CAMK1D: variants seen among roughly 807,000 people sequenced by gnomAD.
CAMK1D encodes calcium/calmodulin-dependent protein kinase type 1D.
A neutral mutation model predicts 47.7 loss-of-function variants in CAMK1D; 9 were observed. The observed-to-expected ratio is 0.19, with a 90% confidence interval of 0.11 to 0.33. The LOEUF (loss-of-function observed/expected upper bound fraction) is 0.33. Among genes scored for constraint, CAMK1D ranks in the 10% least tolerant of loss-of-function variants. The probability of loss-of-function intolerance (pLI) is 1.00; values close to 1 mark genes in which losing one functional copy is unlikely to be tolerated. For synonymous variants in CAMK1D, 184 were observed against 184.9 expected (o/e 0.99, Z 0.04); for missense variants, 291 against 488.7 (o/e 0.60, Z 3.81).
chr10:12,737,586 C>T (rs1835243750), intron 3 of CAMK1D, among the ~76,000 whole-genome samples: 1 of 152,146 alleles, frequency 6.6e-6, no homozygotes. Context: ...TCCTTGGCCT[C>T]GCCTCTTACT....
chr10:12,357,883 T>C (rs908903538), intron 1 of CAMK1D, among the ~76,000 whole-genome samples: 3 of 141,596 alleles, frequency 2.1e-5, no homozygotes, highest in African/African-American at 7.5e-5. Context: ...TTTTCTTTTC[T>C]TTTTTTTTGG....
chr10:12,632,339 C>T (rs566688879), intron 2 of CAMK1D, among the ~76,000 whole-genome samples: 7 of 152,232 alleles, frequency 4.6e-5, no homozygotes, highest in East Asian at 3.9e-4. Flanking sequence ...AGGAATGTCA[C>T]GGCCCTGAAA....
At chr10:12,828,564 C>G (rs147357776) in intron 10 of CAMK1D, among the ~76,000 whole-genome samples, 1,739 of 152,082 alleles carry the variant, frequency 0.011, 39 homozygotes, top group African/African-American at 0.04. Flanking sequence ...TCGCTTGAAC[C>G]TGGCAGGCAG....
chr10:12,533,245 C>T (rs1451379546), intron 1 of CAMK1D, among the ~76,000 whole-genome samples: 3 of 152,114 alleles, frequency 2.0e-5, no homozygotes, highest in African/African-American at 7.2e-5. Flanking sequence ...TAAAAGACTG[C>T]CCTTTCTGAC....
At chr10:12,628,945 C>T (rs1320331732) in intron 2 of CAMK1D, among the ~76,000 whole-genome samples, 1 of 152,154 alleles carries the variant, frequency 6.6e-6, no homozygotes, top group African/African-American at 2.4e-5. Context: ...GGCTTGATAG[C>T]TTATTTCTTT....
chr10:12,659,054 C>T (rs1396737148), intron 2 of CAMK1D, among the ~76,000 whole-genome samples: 3 of 152,192 alleles, frequency 2.0e-5, no homozygotes, highest in African/African-American at 7.2e-5. Context: ...AAGCATTCAC[C>T]CCAGATGCTG....
At chr10:12,464,136 G>A (rs1833521085) in intron 1 of CAMK1D, among the ~76,000 whole-genome samples, 1 of 152,122 alleles carries the variant, frequency 6.6e-6, no homozygotes, top group Non-Finnish European at 1.5e-5. Flanking sequence ...CTGAAAACCT[G>A]GTTAAAGTAT....
intron 3 of CAMK1D, among the ~76,000 whole-genome samples, chr10:12,749,838 CTTCG>C (rs35003686): frequency 0.29 from 43,596 of 151,716 alleles, 7,466 homozygotes; most frequent in African/African-American, 0.49. Flanking sequence ...GATCCGCCTG[CTTCG>C]TTCGGCCTCC....
At chr10:12,752,244 C>T (rs768312393) in intron 3 of CAMK1D, among the ~76,000 whole-genome samples, 6 of 152,268 alleles carry the variant, frequency 3.9e-5, no homozygotes, top group African/African-American at 9.6e-5. Flanking sequence ...ATGATCTGGG[C>T]GGACAGCACC....
At chr10:12,369,114 C>T (rs1243656526) in intron 1 of CAMK1D, among the ~76,000 whole-genome samples, 5 of 152,130 alleles carry the variant, frequency 3.3e-5, no homozygotes, top group Admixed American at 6.6e-5. Context: ...CACACCCAGC[C>T]AGGATTTTGG....
chr10:12,782,735 A>G (rs1313174556), intron 5 of CAMK1D, among the ~76,000 whole-genome samples: 2 of 152,184 alleles, frequency 1.3e-5, no homozygotes, highest in Admixed American at 6.5e-5. Context: ...ACAGATACCT[A>G]CTGGCATTGT....
chr10:12,416,984 G>A (rs913280768), intron 1 of CAMK1D, among the ~76,000 whole-genome samples: 3 of 152,034 alleles, frequency 2.0e-5, no homozygotes, highest in African/African-American at 4.8e-5. Context: ...CTGGGGGCCC[G>A]GGGTCACACT....
chr10:12,363,291 G>C (rs1208327909), intron 1 of CAMK1D, among the ~76,000 whole-genome samples: 1 of 151,362 alleles, frequency 6.6e-6, no homozygotes, highest in Non-Finnish European at 1.5e-5. Flanking sequence ...TTCTTGCTCT[G>C]TTGCCCTGGC....
At chr10:12,689,775 CA>C (rs59376242) in intron 3 of CAMK1D, among the ~76,000 whole-genome samples, 53,805 of 136,158 alleles carry the variant, frequency 0.4, 9,638 homozygotes, top group South Asian at 0.56. Flanking sequence ...GACTCCACCT[CA>C]AAAAAAAAAA....
At chr10:12,535,538 ACTGT>A (rs1835942434) in intron 1 of CAMK1D, among the ~76,000 whole-genome samples, 3 of 152,068 alleles carry the variant, frequency 2.0e-5, no homozygotes, top group African/African-American at 4.8e-5. Context: ...AGTTATTAAA[ACTGT>A]CTGGCCAGCA....
intron 1 of CAMK1D, among the ~76,000 whole-genome samples, chr10:12,486,132 TA>T (rs1350336148): frequency 1.3e-5 from 2 of 150,866 alleles, no homozygotes; most frequent in Admixed American, 6.6e-5. Flanking sequence ...CACATGCTAT[TA>T]ATTCTATGAG....
At chr10:12,795,046 A>C (rs577459076) in intron 6 of CAMK1D, among the ~76,000 whole-genome samples, 8 of 152,184 alleles carry the variant, frequency 5.3e-5, no homozygotes, top group Non-Finnish European at 1.0e-4. Flanking sequence ...GTTGACACTA[A>C]GAATGATAAG....
At chr10:12,458,071 G>C (rs1244725047) in intron 1 of CAMK1D, among the ~76,000 whole-genome samples, 5 of 152,224 alleles carry the variant, frequency 3.3e-5, no homozygotes, top group Admixed American at 6.5e-5. Context: ...AGAGCAGGTG[G>C]TGGAGAGTGA....
At chr10:12,705,287 C>T (rs896021381) in intron 3 of CAMK1D, among the ~76,000 whole-genome samples, 2 of 152,068 alleles carry the variant, frequency 1.3e-5, no homozygotes, top group African/African-American at 4.8e-5. Context: ...ATGGTGGAAC[C>T]TCGTCTCTAC....
Sources: gnomAD v4.1 joint callset for allele counts (sites outside exome capture counted in the v4.1 genomes callset) on GRCh38, gnomAD v4.1.1 for gene constraint, MANE v1.5 for transcripts, NCBI Gene and HGNC (gene_info 2026-07-23, HGNC 2026-07-21) for gene names.